Variants in ROBO1 observed in about 807,000 individuals in gnomAD.
The protein encoded by ROBO1 is roundabout guidance receptor 1.
Under a neutral mutation model 195.9 loss-of-function variants are expected in ROBO1, and 149 were observed. The ratio of observed to expected loss-of-function variants is 0.76; its 90% confidence interval spans 0.67 to 0.87. The LOEUF (loss-of-function observed/expected upper bound fraction) is 0.87. Among genes scored for constraint, ROBO1 ranks in the 40% least tolerant of loss-of-function variants. The pLI is 0.00. For missense variants in ROBO1, 1,933 were observed against 2,068.3 expected (o/e 0.93, Z 1.27); for synonymous variants, 816 against 733.2 (o/e 1.11, Z -1.82).
intron 4 of ROBO1, among the ~76,000 whole-genome samples, chr3:78,830,362 C>G (rs1270551999): frequency 1.3e-5 from 2 of 152,166 alleles, no homozygotes; most frequent in Non-Finnish European, 2.9e-5. Context: ...ATGGAAGAAT[C>G]CCTGGAGATT....
At chr3:78,625,316 C>T (rs1268885572) in intron 26 of ROBO1, among the ~76,000 whole-genome samples, 2 of 152,158 alleles carry the variant, frequency 1.3e-5, no homozygotes, top group East Asian at 3.9e-4. Flanking sequence ...AAGCTGATTT[C>T]AAAATGACAA....
intron 1 of ROBO1, among the ~76,000 whole-genome samples, chr3:79,713,776 C>T (rs1214649599): frequency 5.3e-5 from 8 of 151,966 alleles, no homozygotes; most frequent in South Asian, 4.1e-4. Context: ...TTGTATAAGA[C>T]GTAAGGAATA....
chr3:79,152,224 CAG>C (rs2080785285), intron 2 of ROBO1, among the ~76,000 whole-genome samples: 1 of 151,798 alleles, frequency 6.6e-6, no homozygotes, highest in Admixed American at 6.6e-5. Context: ...TACCTTGAAA[CAG>C]AAATAGTACA....
At chr3:79,494,648 C>T (rs1025168516) in intron 2 of ROBO1, among the ~76,000 whole-genome samples, 5 of 151,380 alleles carry the variant, frequency 3.3e-5, no homozygotes, top group Non-Finnish European at 7.4e-5. Flanking sequence ...GGCAATTGCA[C>T]AAAACACAAT....
At chr3:79,620,246 T>C (rs1325938588) in intron 1 of ROBO1, among the ~76,000 whole-genome samples, 1 of 152,146 alleles carries the variant, frequency 6.6e-6, no homozygotes. Context: ...CCAAGGATCT[T>C]GGACTGACTC....
intron 4 of ROBO1, among the ~76,000 whole-genome samples, chr3:78,774,218 C>T (rs1344095225): frequency 6.6e-6 from 1 of 152,154 alleles, no homozygotes; most frequent in Admixed American, 6.5e-5. Flanking sequence ...TAAATTTTCC[C>T]ACCATCTTTA....
At chr3:78,970,401 G>A (rs1437984727) in intron 3 of ROBO1, among the ~76,000 whole-genome samples, 2 of 152,098 alleles carry the variant, frequency 1.3e-5, no homozygotes, top group Non-Finnish European at 2.9e-5. Flanking sequence ...ACTGCAGGGT[G>A]ATATAAACAG....
chr3:79,028,814 T>C (rs2078246009), intron 3 of ROBO1, among the ~76,000 whole-genome samples: 1 of 152,086 alleles, frequency 6.6e-6, no homozygotes, highest in South Asian at 2.1e-4. Flanking sequence ...GGATGCCTTT[T>C]GTTTTTATTA....
intron 1 of ROBO1, among the ~76,000 whole-genome samples, chr3:79,643,306 T>C (rs1043123124): frequency 6.6e-6 from 1 of 152,168 alleles, no homozygotes; most frequent in African/African-American, 2.4e-5. Context: ...TTTGAGGTTT[T>C]GGGACTTGGA....
intron 4 of ROBO1, among the ~76,000 whole-genome samples, chr3:78,878,917 A>G (rs758668723): frequency 6.6e-6 from 1 of 152,192 alleles, no homozygotes; most frequent in Non-Finnish European, 1.5e-5. Context: ...AAATAGTGCA[A>G]TTACAAAAAC....
At chr3:79,176,216 A>G (rs1345507031) in intron 2 of ROBO1, among the ~76,000 whole-genome samples, 2 of 152,210 alleles carry the variant, frequency 1.3e-5, no homozygotes, top group Admixed American at 6.5e-5. Flanking sequence ...CATATTTTGC[A>G]TTAGTGTTCC....
intron 1 of ROBO1, among the ~76,000 whole-genome samples, chr3:79,626,251 C>T (rs560018220): frequency 2.0e-5 from 3 of 152,204 alleles, no homozygotes; most frequent in South Asian, 4.1e-4. Context: ...TGGAGACCAT[C>T]CTGGTGAACA....
chr3:78,617,594 G>A (rs1399881811), intron 27 of ROBO1, 41 bp downstream of exon 27: 2 of 1,551,512 alleles, frequency 1.3e-6, no homozygotes, highest in Non-Finnish European at 1.7e-6. Context: ...TATATACATT[G>A]AGTTTTCTTT....
At chr3:79,009,995 G>C (rs1055482309) in intron 3 of ROBO1, among the ~76,000 whole-genome samples, 2 of 152,036 alleles carry the variant, frequency 1.3e-5, no homozygotes, top group Non-Finnish European at 2.9e-5. Context: ...CCATGTTATG[G>C]GGCTGGACTT....
chr3:79,340,414 G>T (rs967909786), intron 2 of ROBO1, among the ~76,000 whole-genome samples: 1 of 152,124 alleles, frequency 6.6e-6, no homozygotes, highest in Admixed American at 6.5e-5. Context: ...TGAATAAGGG[G>T]AGAGTATACT....
intron 21 of ROBO1, among the ~76,000 whole-genome samples, chr3:78,644,750 A>G (rs1428181631): frequency 6.6e-6 from 1 of 152,052 alleles, no homozygotes; most frequent in Non-Finnish European, 1.5e-5. Context: ...TCCAGGTTGT[A>G]AATTCTTTTA....
At chr3:79,226,127 T>G (rs778767078) in intron 2 of ROBO1, among the ~76,000 whole-genome samples, 1 of 152,222 alleles carries the variant, frequency 6.6e-6, no homozygotes, top group African/African-American at 2.4e-5. Flanking sequence ...TTAATCTTCA[T>G]GCACTTTTTC....
intron 4 of ROBO1, among the ~76,000 whole-genome samples, chr3:78,925,505 C>A (rs1207180464): frequency 6.6e-6 from 1 of 152,174 alleles, no homozygotes; most frequent in African/African-American, 2.4e-5. Context: ...TGTGCGCAAT[C>A]ACTCATTTCC....
chr3:79,105,461 G>A (rs940699711), intron 3 of ROBO1, among the ~76,000 whole-genome samples: 4 of 151,564 alleles, frequency 2.6e-5, no homozygotes, highest in Admixed American at 2.0e-4. Flanking sequence ...TGGGAGTATC[G>A]AGTGGTGTAG....
Sources: allele counts gnomAD v4.1 joint callset (sites outside exome capture counted in the v4.1 genomes callset), GRCh38; gene constraint gnomAD v4.1.1; transcripts MANE v1.5; gene names NCBI Gene and HGNC (gene_info 2026-07-23, HGNC 2026-07-21).